Variants in TMEFF2 observed in about 807,000 individuals in gnomAD.
TMEFF2 encodes transmembrane protein with EGF like and two follistatin like domains 2, also known as tomoregulin-2.
Under a neutral mutation model 53.8 loss-of-function variants are expected in TMEFF2, and 28 were observed. The ratio of observed to expected loss-of-function variants is 0.52; its 90% CI spans 0.39 to 0.71. The LOEUF (loss-of-function observed/expected upper bound fraction) is 0.71. TMEFF2 is among the 30% of genes least tolerant of loss of function. The pLI is 0.00. For synonymous variants in TMEFF2, 162 were observed against 166.3 expected, an observed-to-expected ratio of 0.97 and a Z score of 0.20; for missense variants, 353 against 455.2, an observed-to-expected ratio of 0.78 and a Z score of 2.04.
rs1689748689 is a variant in TMEFF2 at position 192,129,128 on chromosome 2, G to GT, written c.439+50539dup. Among the ~76,000 whole-genome samples, 6 of 152,246 alleles carry GT rather than the reference G, an allele frequency of 3.9e-5. No individual in the cohort carries two copies. In the South Asian group the frequency reaches 1.2e-3, roughly 32 times the overall value. ...CTCTGGTGCCAGTTTATGTTTCTGTGTACCTACATGGCCCAAGGCTGAAAA... is the reference window on the plus strand; with the variant it reads ...CTCTGGTGCCAGTTTATGTTTCTGTGTTACCTACATGGCCCAAGGCTGAAAA... On this transcript the variant is annotated intron_variant, in intron 4 of 9. Coordinates refer to ENST00000272771, the MANE Select transcript of TMEFF2 (RefSeq NM_016192.4).
intron 4 of TMEFF2, among the ~76,000 whole-genome samples, chr2:192,092,083 C>G (rs1389401058): frequency 3.9e-5 from 6 of 152,098 alleles, no homozygotes; most frequent in Non-Finnish European, 5.9e-5. Context: ...CTCAATAAAG[C>G]TCAGTAACAA....
At chr2:191,965,279 T>A (rs1351123731) in intron 7 of TMEFF2, among the ~76,000 whole-genome samples, 1 of 152,178 alleles carries the variant, frequency 6.6e-6, no homozygotes, top group African/African-American at 2.4e-5. Context: ...CATATTTATC[T>A]ACTCATTGAC....
chr2:192,170,511 A>G (rs1259745861), intron 4 of TMEFF2, among the ~76,000 whole-genome samples: 1 of 152,054 alleles, frequency 6.6e-6, no homozygotes, highest in Admixed American at 6.6e-5. Context: ...GCCTTCACCA[A>G]AAGAAGGTAA....
chr2:192,162,710 A>G (rs1354996526), intron 4 of TMEFF2, among the ~76,000 whole-genome samples: 2 of 152,204 alleles, frequency 1.3e-5, no homozygotes, highest in African/African-American at 4.8e-5. Flanking sequence ...ATTTACTATT[A>G]AAGAAGAGGA....
At chr2:192,027,446 C>T (rs893991185) in intron 5 of TMEFF2, among the ~76,000 whole-genome samples, 1 of 152,022 alleles carries the variant, frequency 6.6e-6, no homozygotes, top group Non-Finnish European at 1.5e-5. Flanking sequence ...GAACAGTATA[C>T]AAAATAATAT....
At chr2:192,011,730 T>G (rs936924446) in intron 5 of TMEFF2, among the ~76,000 whole-genome samples, 1 of 152,212 alleles carries the variant, frequency 6.6e-6, no homozygotes, top group African/African-American at 2.4e-5. Context: ...TTTTAATTAC[T>G]GTAATTTGTT....
chr2:192,084,307 T>C (rs1332596978), intron 4 of TMEFF2, among the ~76,000 whole-genome samples: 1 of 152,210 alleles, frequency 6.6e-6, no homozygotes, highest in Non-Finnish European at 1.5e-5. Context: ...CATTTTCTTC[T>C]CTGTATTCTC....
chr2:191,976,662 G>GAA (rs575806096), intron 7 of TMEFF2, among the ~76,000 whole-genome samples: 20 of 152,298 alleles, frequency 1.3e-4, no homozygotes, highest in Non-Finnish European at 2.5e-4. Flanking sequence ...TAGAAAGAAA[G>GAA]AGTCTGAAAA....
intron 4 of TMEFF2, among the ~76,000 whole-genome samples, chr2:192,146,514 C>T (rs558861006): frequency 1.2e-4 from 19 of 152,146 alleles, no homozygotes; most frequent in Non-Finnish European, 1.8e-4. Context: ...GCAAGCTCTT[C>T]TCCCCAAGTG....
At chr2:192,179,631 C>T (rs1015120182) in intron 4 of TMEFF2, 37 bp downstream of exon 4, 11 of 1,543,534 alleles carry the variant, frequency 7.1e-6, no homozygotes, top group Non-Finnish European at 9.6e-6. Flanking sequence ...TAATATCCAC[C>T]AGTAAATCTT....
chr2:192,193,761 TAG>T (rs530141565), intron 1 of TMEFF2, among the ~76,000 whole-genome samples: 1,239 of 47,676 alleles, frequency 0.026, 13 homozygotes, highest in South Asian at 0.054. Context: ...GATAGATAGA[TAG>T]AGAGAGAGAG....
At chr2:192,148,592 C>T (rs1329502741) in intron 4 of TMEFF2, among the ~76,000 whole-genome samples, 1 of 152,034 alleles carries the variant, frequency 6.6e-6, no homozygotes, top group Admixed American at 6.6e-5. Context: ...AAACTGTTTA[C>T]TCTTCGTTAA....
chr2:192,076,145 A>T (rs76529967), intron 4 of TMEFF2, among the ~76,000 whole-genome samples: 108 of 152,248 alleles, frequency 7.1e-4, no homozygotes, highest in Non-Finnish European at 9.3e-4. Flanking sequence ...AAATTACTAA[A>T]TTTTGTCAGA....
In TMEFF2 at chr2:191,953,793, T is replaced by A. The variant is rs755527259; in HGVS notation, c.914A>T (p.Tyr305Phe). ...YTGQHCEKKDYSVLYVVPGPV... is the reference protein window; with the variant it reads ...YTGQHCEKKDFSVLYVVPGPV... ...ACCGGGAACAACGTATAGAACACTG[T>A]AGTCCTTTTTTTCACAGTGTTGTCC... The change falls in exon 9 of 10, where the codon TAC becomes TTC. Residue 305 changes from tyrosine to phenylalanine, a missense_variant. Physicochemically the swap from Tyr to Phe is conservative, Grantham distance 22. Around this residue, in one of 3 missense-constraint regions of TMEFF2, gnomAD observed 294 missense variants for 397.3 expected, o/e 0.74. Transcript: ENST00000272771. The A allele has an allele frequency of 1.4e-5, 22 of 1,613,556 alleles. No individual in the cohort carries two copies. Among genetic ancestry groups the A allele is most frequent in the Non-Finnish European group, 1.7e-5 (20 of 1,179,842 alleles).
chr2:192,077,125 C>T (rs534305749), intron 4 of TMEFF2, among the ~76,000 whole-genome samples: 86 of 152,228 alleles, frequency 5.6e-4, no homozygotes, highest in South Asian at 2.5e-3. Flanking sequence ...GATGGCAGAT[C>T]AAAGGCATTT....
intron 5 of TMEFF2, among the ~76,000 whole-genome samples, chr2:192,032,917 A>G (rs1420985188): frequency 6.6e-6 from 1 of 152,238 alleles, no homozygotes; most frequent in African/African-American, 2.4e-5. Flanking sequence ...TAACAACAAC[A>G]AAGTAACTTT....
chr2:192,041,487 G>A (rs1237954987), intron 5 of TMEFF2, among the ~76,000 whole-genome samples: 1 of 152,198 alleles, frequency 6.6e-6, no homozygotes, highest in Non-Finnish European at 1.5e-5. Context: ...AGGATGTGAA[G>A]AAGTGTGGAC....
intron 9 of TMEFF2, among the ~76,000 whole-genome samples, chr2:191,951,813 T>G (rs1321215826): frequency 6.6e-6 from 1 of 152,162 alleles, no homozygotes; most frequent in Non-Finnish European, 1.5e-5. Context: ...TACAAAATAC[T>G]AATACAGTTT....
At chr2:192,160,159 C>G (rs115500831) in intron 4 of TMEFF2, among the ~76,000 whole-genome samples, 1 of 151,860 alleles carries the variant, frequency 6.6e-6, no homozygotes, top group East Asian at 1.9e-4. Context: ...GGAGGGGAGG[C>G]CAAGTTGGGT....
Sources: gnomAD v4.1 joint callset for allele counts (sites outside exome capture counted in the v4.1 genomes callset) on GRCh38, gnomAD v4.1.1 for gene constraint, gnomAD v4.1.1 regional missense constraint, MANE v1.5 for transcripts, NCBI Gene and HGNC (gene_info 2026-07-23, HGNC 2026-07-21) for gene names.